Variants in PSD3 observed in about 807,000 individuals in gnomAD.
The protein encoded by PSD3 is pleckstrin and Sec7 domain containing 3, also known as PH and SEC7 domain-containing protein 3.
In PSD3, 49 loss-of-function variants were observed where a neutral mutation model predicts 105.5. That is an observed-to-expected ratio of 0.46 (90% CI 0.37 to 0.59). PSD3 has a LOEUF of 0.59. Ranked by LOEUF, PSD3 falls within the 20% of genes least tolerant of loss-of-function variation. The pLI is 0.00. For missense variants in PSD3, 1,561 were observed against 1,263.8 expected (o/e 1.24, Z -3.57); for synonymous variants, 557 against 457.8 (o/e 1.22, Z -2.77).
chr8:19,038,676 G>A (rs1828026097), intron 1 of PSD3, among the ~76,000 whole-genome samples: 1 of 151,998 alleles, frequency 6.6e-6, no homozygotes, highest in Admixed American at 6.6e-5. Flanking sequence ...TGCCCAGGCT[G>A]GTGTCAAACT....
chr8:18,582,028 A>G (rs1238326132), intron 12 of PSD3, among the ~76,000 whole-genome samples: 2 of 152,212 alleles, frequency 1.3e-5, no homozygotes, highest in Non-Finnish European at 2.9e-5. Flanking sequence ...AGGAACAAAG[A>G]TAAGGACTTA....
At chr8:18,926,602 A>G (rs1200616574) in intron 2 of PSD3, among the ~76,000 whole-genome samples, 1 of 152,162 alleles carries the variant, frequency 6.6e-6, no homozygotes, top group Middle Eastern at 3.2e-3. Flanking sequence ...GGATAATTAT[A>G]ATTTAAAAAG....
intron 8 of PSD3, among the ~76,000 whole-genome samples, chr8:18,775,352 A>C (rs866157725): frequency 2.6e-5 from 4 of 152,252 alleles, no homozygotes; most frequent in East Asian, 1.9e-4. Flanking sequence ...GAATATACTG[A>C]CTTCGTTTCT....
intron 14 of PSD3, among the ~76,000 whole-genome samples, chr8:18,567,417 G>A (rs1344127255): frequency 6.6e-6 from 1 of 152,220 alleles, no homozygotes; most frequent in African/African-American, 2.4e-5. Flanking sequence ...TGCTTTAAGA[G>A]TTCATATTTT....
At chr8:18,789,964 C>A (rs1383887281) in intron 8 of PSD3, among the ~76,000 whole-genome samples, 1 of 152,134 alleles carries the variant, frequency 6.6e-6, no homozygotes, top group African/African-American at 2.4e-5. Context: ...AATATGAGGT[C>A]CCTCAATAAG....
rs1237536983 is a variant in PSD3 at position 18,677,434 on chromosome 8, G to T, written c.2173-21749C>A. Among the ~76,000 whole-genome samples the T allele has an allele frequency of 4.6e-5, 7 of 152,030 alleles. No individual in the cohort carries two copies. The East Asian group carries it at 1.2e-3, about 25-fold the overall frequency. On this transcript the variant is annotated intron_variant, in intron 9 of 15. Transcript: ENST00000327040. Reference sequence around the variant, plus strand: ...CTCTATTAAAAATAAAAAAAAAATAGCTGGGTGTGGTGGTGCATGAGAATT... The same window carrying T: ...CTCTATTAAAAATAAAAAAAAAATATCTGGGTGTGGTGGTGCATGAGAATT...
intron 11 of PSD3, among the ~76,000 whole-genome samples, chr8:18,609,043 G>C (rs1217164851): frequency 6.6e-6 from 1 of 152,066 alleles, no homozygotes; most frequent in Non-Finnish European, 1.5e-5. Flanking sequence ...TGGATAGAAA[G>C]TCATAATATG....
intron 9 of PSD3, among the ~76,000 whole-genome samples, chr8:18,704,647 G>C (rs1173615606): frequency 1.3e-5 from 2 of 152,112 alleles, no homozygotes; most frequent in African/African-American, 4.8e-5. Context: ...GCCCCAATAA[G>C]AGAACCTTAT....
intron 15 of PSD3, among the ~76,000 whole-genome samples, chr8:18,537,059 G>T (rs1189036266): frequency 1.3e-5 from 2 of 152,200 alleles, no homozygotes; most frequent in African/African-American, 2.4e-5. Flanking sequence ...TAGTAATTTA[G>T]AAGTGCTACC....
At chr8:19,008,879 T>C (rs1393126047) in intron 1 of PSD3, among the ~76,000 whole-genome samples, 1 of 152,196 alleles carries the variant, frequency 6.6e-6, no homozygotes, top group African/African-American at 2.4e-5. Flanking sequence ...GCTCCTTTTC[T>C]TAACAATCTC....
intron 2 of PSD3, among the ~76,000 whole-genome samples, chr8:18,905,315 T>A (rs924598919): frequency 6.6e-6 from 1 of 152,184 alleles, no homozygotes; most frequent in African/African-American, 2.4e-5. Flanking sequence ...TCTCAGTGAC[T>A]TCTCCTCTCC....
chr8:19,020,505 G>T (rs937840846), intron 1 of PSD3, among the ~76,000 whole-genome samples: 1 of 152,088 alleles, frequency 6.6e-6, no homozygotes, highest in East Asian at 1.9e-4. Context: ...CAGAGATGTC[G>T]TAAGTGGGAC....
chr8:18,747,564 A>C (rs1302570045), intron 9 of PSD3, among the ~76,000 whole-genome samples: 2 of 152,194 alleles, frequency 1.3e-5, no homozygotes, highest in Non-Finnish European at 2.9e-5. Flanking sequence ...AATGAATGGA[A>C]AAAGAGGAAA....
Position 18,760,062 on chromosome 8 carries a change from T to C in PSD3, c.2172+5387A>G, listed in dbSNP as rs148719755. ...AGAAATAAAATTCAGGGAACAGAAA[T>C]GCAGAGGATCAAGACACTGCATTTT... is the stretch of plus-strand genomic sequence containing the variant. On this transcript the variant is annotated intron_variant, in intron 9 of 15. Coordinates refer to ENST00000327040, the MANE Select transcript of PSD3 (RefSeq NM_015310.4). Among the ~76,000 whole-genome samples the C allele has an allele frequency of 2.1e-3, 319 of 150,994 alleles. 2 individuals are homozygous for C. The highest frequency in any genetic ancestry group is 7.3e-3 in the African/African-American group (298 of 40,624).
At chr8:19,002,602 G>T (rs1389076271) in intron 1 of PSD3, among the ~76,000 whole-genome samples, 1 of 151,972 alleles carries the variant, frequency 6.6e-6, no homozygotes, top group African/African-American at 2.4e-5. Context: ...AAACCATGTA[G>T]CATTTGCACA....
At chr8:18,555,053 C>T (rs1354352026) in intron 15 of PSD3, among the ~76,000 whole-genome samples, 4 of 151,924 alleles carry the variant, frequency 2.6e-5, no homozygotes, top group Non-Finnish European at 5.9e-5. Flanking sequence ...AGACTTTCTT[C>T]AGGAGGTAAC....
chr8:18,833,678 G>T (rs1034981502), intron 4 of PSD3, among the ~76,000 whole-genome samples: 2 of 151,942 alleles, frequency 1.3e-5, no homozygotes, highest in African/African-American at 2.4e-5. Flanking sequence ...TATCTAGTCA[G>T]AATAATTATC....
chr8:18,671,270 T>G (rs7831038), intron 9 of PSD3, among the ~76,000 whole-genome samples: 2 of 152,166 alleles, frequency 1.3e-5, no homozygotes, highest in South Asian at 2.1e-4. Context: ...TTGGTGTAGG[T>G]TGAAAGTTAC....
intron 12 of PSD3, among the ~76,000 whole-genome samples, chr8:18,586,673 G>C (rs550214656): frequency 6.6e-6 from 1 of 152,074 alleles, no homozygotes; most frequent in African/African-American, 2.4e-5. Flanking sequence ...GAATTCTTTC[G>C]AAGACCAATT....
Sources: allele counts gnomAD v4.1 joint callset (sites outside exome capture counted in the v4.1 genomes callset), GRCh38; gene constraint gnomAD v4.1.1; transcripts MANE v1.5; gene names NCBI Gene and HGNC (gene_info 2026-07-23, HGNC 2026-07-21).